Variants in TMEM132E observed in about 807,000 individuals in gnomAD.
TMEM132E encodes the protein transmembrane protein 132E.
TMEM132E carries 49 observed loss-of-function variants against 78.5 expected under a neutral mutation model. That is an observed-to-expected ratio of 0.62 (90% CI 0.50 to 0.79). TMEM132E has a LOEUF of 0.79. Ranked by LOEUF, TMEM132E falls within the 30% of genes least tolerant of loss-of-function variation. TMEM132E has a pLI of 0.00. For missense variants in TMEM132E, 1,403 were observed against 1,470.9 expected, an observed-to-expected ratio of 0.95 and a Z score of 0.75; for synonymous variants, 715 against 670.6, an observed-to-expected ratio of 1.07 and a Z score of -1.02.
chr17:34,580,947 TG>T lies in TMEM132E; in HGVS notation c.-128del. 1 of 631,730 alleles carries T rather than the reference TG, an allele frequency of 1.6e-6. No individual in the cohort carries two copies. The highest frequency in any genetic ancestry group is 2.6e-6 in the Non-Finnish European group (1 of 388,244). The allele number at this position is 631,730 out of a possible 1,614,324, so 39.1% of individuals were successfully genotyped here. ...CAAAGTGTCCCCGAATTGCACTCTCTGGTCCCGGAGCTGCATCTGAGACAGC... is the reference window on the plus strand; with the variant it reads ...CAAAGTGTCCCCGAATTGCACTCTCTGTCCCGGAGCTGCATCTGAGACAGC... On this transcript the variant is annotated 5_prime_UTR_variant, in exon 1 of 9. Coordinates refer to ENST00000631683, the MANE Select transcript of TMEM132E (RefSeq NM_001304438.2).
At chr17:34,613,174 TACAC>T (rs1052726474) in intron 1 of TMEM132E, among the ~76,000 whole-genome samples, 9 of 109,280 alleles carry the variant, frequency 8.2e-5, no homozygotes, top group Non-Finnish European at 1.2e-4. Context: ...TCTCTCTCTC[TACAC>T]ACACACACAC....
At chr17:34,593,758 C>G (rs1471671469) in intron 1 of TMEM132E, among the ~76,000 whole-genome samples, 1 of 152,260 alleles carries the variant, frequency 6.6e-6, no homozygotes, top group African/African-American at 2.4e-5. Context: ...ATCCTGCAAA[C>G]CACAAGTCAA....
chr17:34,598,715 A>G (rs1184932468), intron 1 of TMEM132E, among the ~76,000 whole-genome samples: 3 of 152,246 alleles, frequency 2.0e-5, no homozygotes, highest in Admixed American at 6.5e-5. Context: ...TTGGAACCCA[A>G]TTAAGTGAAT....
intron 1 of TMEM132E, among the ~76,000 whole-genome samples, chr17:34,616,475 A>G (rs1327971900): frequency 6.6e-6 from 1 of 152,158 alleles, no homozygotes; most frequent in African/African-American, 2.4e-5. Flanking sequence ...GTGATTATGT[A>G]TTCCCCGGCT....
intron 1 of TMEM132E, among the ~76,000 whole-genome samples, chr17:34,616,048 G>C (rs191477196): frequency 2.7e-4 from 41 of 152,304 alleles, no homozygotes; most frequent in Admixed American, 6.5e-4. Context: ...ACACAGCTAA[G>C]AAATGACAGA....
intron 1 of TMEM132E, among the ~76,000 whole-genome samples, chr17:34,587,941 T>G (rs1905734009): frequency 2.0e-5 from 3 of 152,200 alleles, no homozygotes; most frequent in Non-Finnish European, 4.4e-5. Flanking sequence ...TTCGGAGGTC[T>G]TCTTGCCATA....
chr17:34,580,888 T>G lies in TMEM132E; in HGVS notation c.-189T>G. The G allele has an allele frequency of 2.2e-6, 1 of 458,212 alleles. No homozygotes were observed. The highest frequency in any genetic ancestry group is 3.9e-6 in the Non-Finnish European group (1 of 258,588). 28.4% of individuals were successfully genotyped at this position (458,212 alleles called of 1,614,324 possible). ...GCTGCGCCCCCACCGGCTCCGAGGG[T>G]GTAGCCGCCAGCGCCTGGGACGCCC... is the stretch of plus-strand genomic sequence containing the variant. On this transcript the variant is annotated 5_prime_UTR_variant, in exon 1 of 9. Coordinates refer to ENST00000631683, the MANE Select transcript of TMEM132E (RefSeq NM_001304438.2).
Position 34,581,226 on chromosome 17 carries a change from C to T in TMEM132E, c.67+83C>T, listed in dbSNP as rs1200883661. The T allele has an allele frequency of 2.4e-6, 3 of 1,236,922 alleles. No homozygotes were observed. In the South Asian group the frequency reaches 5.1e-5, roughly 21 times the overall value. 76.6% of individuals were successfully genotyped at this position (1,236,922 alleles called of 1,614,324 possible). ...ACGGGGAAGACTGGGGAGAGGAGCA[C>T]CCACACCCCCTGGACTCGCAGCCGC... is the stretch of plus-strand genomic sequence containing the variant. On this transcript the variant is annotated intron_variant, in intron 1 of 8. Transcript: ENST00000631683.
chr17:34,637,277 A>G lies in TMEM132E; in HGVS notation c.2270A>G (p.Asp757Gly), dbSNP rs757577587. ...RDYGLLVSSL[D>G]EHVATVTQDR... ...TATGGACTGCTAGTGAGCAGCCTGG[A>G]TGAGCATGTGGCCACTGTGACCCAG... is the stretch of plus-strand genomic sequence containing the variant. The change falls in exon 9 of 9, where the codon GAT (aspartate) becomes GGT (glycine). Residue 757 changes from aspartate to glycine, a missense_variant. Physicochemically the swap from Asp to Gly is moderately conservative, Grantham distance 94 (BLOSUM62 -1). Around this residue, in one of 3 missense-constraint regions of TMEM132E, gnomAD observed 888 missense variants for 952.8 expected, o/e 0.93. Coordinates refer to ENST00000631683, the MANE Select transcript of TMEM132E (RefSeq NM_001304438.2). 2.5e-6 allele frequency: 4 copies of G among 1,614,110 alleles called. No individual in the cohort carries two copies. Among genetic ancestry groups the G allele is most frequent in the South Asian group, 2.2e-5 (2 of 91,086 alleles).
At chr17:34,622,982 T>C (rs550910561) in intron 1 of TMEM132E, among the ~76,000 whole-genome samples, 9 of 151,262 alleles carry the variant, frequency 5.9e-5, no homozygotes, top group African/African-American at 1.9e-4. Context: ...TAAACAAAGA[T>C]TGATGAGAGA....
chr17:34,612,326 G>A (rs941561967), intron 1 of TMEM132E, among the ~76,000 whole-genome samples: 3 of 152,190 alleles, frequency 2.0e-5, no homozygotes, highest in Non-Finnish European at 4.4e-5. Context: ...AGGAAAGCAG[G>A]CTCCTCCTCC....
In TMEM132E at chr17:34,638,406, C is replaced by T. The variant is rs902425243; in HGVS notation, c.*174C>T. 1.4e-5 allele frequency: 9 copies of T among 656,780 alleles called. No individual in the cohort carries two copies. The Admixed American group carries it at 1.9e-4, about 14-fold the overall frequency. 40.7% of individuals were successfully genotyped at this position (656,780 alleles called of 1,614,324 possible). Reference sequence around the variant, plus strand: ...CCGCCTCAGTGTCTGGGCCTTCCCTCGCCTCACGCCATTACCCTCTTCTGC... The same window carrying T: ...CCGCCTCAGTGTCTGGGCCTTCCCTTGCCTCACGCCATTACCCTCTTCTGC... On this transcript the variant is annotated 3_prime_UTR_variant, in exon 9 of 9. Coordinates refer to ENST00000631683, the MANE Select transcript of TMEM132E (RefSeq NM_001304438.2).
At chr17:34,632,235 G>GC (rs1597692462) in intron 5 of TMEM132E, among the ~76,000 whole-genome samples, 3 of 152,152 alleles carry the variant, frequency 2.0e-5, no homozygotes, top group East Asian at 3.9e-4. Context: ...ACATGGGTCT[G>GC]CCCCCCATCC....
intron 5 of TMEM132E, among the ~76,000 whole-genome samples, chr17:34,631,376 A>C (rs922967258): frequency 1.3e-5 from 2 of 152,186 alleles, no homozygotes; most frequent in African/African-American, 4.8e-5. Context: ...TGGGATGGGA[A>C]GAAACAGGCC....
At chr17:34,627,119 CTTGTGGGTGGG>C in intron 2 of TMEM132E, 62 bp downstream of exon 2, 1 of 719,698 alleles carries the variant, frequency 1.4e-6, no homozygotes, top group Non-Finnish European at 2.4e-6. Context: ...TACCTGACTC[CTTGTGGGTGGG>C]TTGGGGGGTG....
chr17:34,585,967 T>G (rs1415417690), intron 1 of TMEM132E, among the ~76,000 whole-genome samples: 3 of 152,220 alleles, frequency 2.0e-5, no homozygotes, highest in Non-Finnish European at 4.4e-5. Context: ...GTTTGCTGTG[T>G]AGCCACAGGA....
chr17:34,619,543 G>A (rs1906891993), intron 1 of TMEM132E, among the ~76,000 whole-genome samples: 1 of 151,446 alleles, frequency 6.6e-6, no homozygotes, highest in Non-Finnish European at 1.5e-5. Flanking sequence ...ATCTACATGG[G>A]CCAGGCACTG....
At chr17:34,582,013 C>T (rs1905504017) in intron 1 of TMEM132E, among the ~76,000 whole-genome samples, 1 of 152,078 alleles carries the variant, frequency 6.6e-6, no homozygotes, top group Non-Finnish European at 1.5e-5. Context: ...GCTGGAGACG[C>T]TCCAGGAGGC....
In TMEM132E at chr17:34,629,069, C is replaced by A; in HGVS notation, c.1203C>A (p.Thr401=). The change falls in exon 4 of 9, where the codon ACC becomes ACA. Residue 401 remains threonine, a synonymous_variant. Transcript: ENST00000631683. ...LQLDFEMENF[T]SQSVKRRIMW... Reference sequence around the variant, plus strand: ...TGGACTTTGAAATGGAGAACTTCACCAGCCAGTCAGTCAAGCGGAGGATCA... The same window carrying A: ...TGGACTTTGAAATGGAGAACTTCACAAGCCAGTCAGTCAAGCGGAGGATCA... 6.2e-7 allele frequency: 1 copy of A among 1,601,074 alleles called. No homozygotes were observed. Among genetic ancestry groups the A allele is most frequent in the South Asian group, 1.1e-5 (1 of 89,570 alleles).
Sources: gnomAD v4.1 joint callset for allele counts (sites outside exome capture counted in the v4.1 genomes callset) on GRCh38, gnomAD v4.1.1 for gene constraint, gnomAD v4.1.1 regional missense constraint, MANE v1.5 for transcripts, NCBI Gene and HGNC (gene_info 2026-07-23, HGNC 2026-07-21) for gene names.